DENND1A: variants seen among roughly 807,000 people sequenced by gnomAD.
DENND1A encodes the protein DENN domain-containing protein 1A.
In DENND1A, 51 loss-of-function variants were observed where a neutral mutation model predicts 113.7. That is an observed-to-expected ratio of 0.45 (90% CI 0.36 to 0.57). The LOEUF (loss-of-function observed/expected upper bound fraction) is 0.57, where lower values mean the gene tolerates loss of function less well. Ranked by LOEUF, DENND1A falls within the 20% of genes least tolerant of loss-of-function variation. The pLI, the probability that DENND1A is intolerant of heterozygous loss-of-function variation, is 0.00. For missense variants in DENND1A, 1,258 were observed against 1,395.9 expected, an observed-to-expected ratio of 0.90 and a Z score of 1.57; for synonymous variants, 565 against 570.8, an observed-to-expected ratio of 0.99 and a Z score of 0.14.
chr9:123,412,633 T>C (rs570027873), intron 19 of DENND1A, among the ~76,000 whole-genome samples: 55 of 152,362 alleles, frequency 3.6e-4, no homozygotes, highest in Admixed American at 1.8e-3. Flanking sequence ...CACAGACTTC[T>C]CAGCTCTCCC....
chr9:123,650,048 G>C (rs1177929419), intron 9 of DENND1A, among the ~76,000 whole-genome samples: 1 of 152,168 alleles, frequency 6.6e-6, no homozygotes, highest in Non-Finnish European at 1.5e-5. Flanking sequence ...TCATGTTTTT[G>C]TTGACTGAAA....
chr9:123,627,957 A>G (rs558401845), intron 10 of DENND1A, among the ~76,000 whole-genome samples: 1 of 152,014 alleles, frequency 6.6e-6, no homozygotes, highest in Non-Finnish European at 1.5e-5. Context: ...TTCATCCTAG[A>G]AACAGTTTAA....
At chr9:123,559,734 G>A (rs1379832680) in intron 12 of DENND1A, among the ~76,000 whole-genome samples, 2 of 152,114 alleles carry the variant, frequency 1.3e-5, no homozygotes, top group Non-Finnish European at 1.5e-5. Flanking sequence ...GTGGTTTTTA[G>A]TGTAGTCACA....
chr9:123,914,974 A>T (rs10818891), intron 1 of DENND1A, among the ~76,000 whole-genome samples: 11,786 of 152,034 alleles, frequency 0.078, 781 homozygotes, highest in African/African-American at 0.18. Flanking sequence ...GCTGATTATA[A>T]CATCATCAGT....
rs1352376947 is a variant in DENND1A at position 123,466,582 on chromosome 9, C to CCA, written c.994-8687_994-8686dup. Among the ~76,000 whole-genome samples the CCA allele has an allele frequency of 3.9e-5, 6 of 152,360 alleles. No individual in the cohort carries two copies. The East Asian group carries it at 1.2e-3, about 29-fold the overall frequency. Reference sequence around the variant, plus strand: ...AAAGTGCTGGGATGACAGGCGTGAGCCACTGCACCTGGCCTATTTCACTTC... The same window carrying CCA: ...AAAGTGCTGGGATGACAGGCGTGAGCCACACTGCACCTGGCCTATTTCACTTC... On this transcript the variant is annotated intron_variant, in intron 13 of 23. Transcript: ENST00000394215.
At chr9:123,520,787 C>T (rs1028176020) in intron 13 of DENND1A, among the ~76,000 whole-genome samples, 1 of 152,220 alleles carries the variant, frequency 6.6e-6, no homozygotes, top group African/African-American at 2.4e-5. Context: ...CTTCCTGGTA[C>T]CTGACTCTGT....
At position 123,381,070 on chromosome 9, in the gene DENND1A, G is replaced by A. The variant is rs532415270; in HGVS notation, c.*362C>T. The A allele has an allele frequency of 3.3e-5, 8 of 244,376 alleles. No individual in the cohort carries two copies. Among genetic ancestry groups the A allele is most frequent in the Non-Finnish European group, 6.4e-5 (8 of 125,718 alleles). 15.1% of individuals were successfully genotyped at this position (244,376 alleles called of 1,614,324 possible). A position where few individuals can be genotyped will look rare whatever the true frequency, so the allele number is the denominator to read the frequency against. On this transcript the variant is annotated 3_prime_UTR_variant, in exon 24 of 24. Transcript: ENST00000394215. The surrounding 1 kb of genome is among the most constrained non-coding windows in gnomAD (Gnocchi z 4.7). ...ACAGGAGAGCTGGGCTCGGAGGGGA[G>A]GCCTTCGGAGCCTCTTGGGACACTT...
chr9:123,436,779 G>A (rs377201097), intron 19 of DENND1A, among the ~76,000 whole-genome samples: 2 of 150,522 alleles, frequency 1.3e-5, no homozygotes, highest in African/African-American at 2.4e-5. Flanking sequence ...ACAGGGTCTC[G>A]CTCTGTCACT....
At chr9:123,558,020 C>T (rs897877400) in intron 12 of DENND1A, among the ~76,000 whole-genome samples, 1 of 152,140 alleles carries the variant, frequency 6.6e-6, no homozygotes, top group East Asian at 1.9e-4. Flanking sequence ...AGAATTAGGG[C>T]ATGTTTTTGA....
At chr9:123,718,247 G>A (rs1240693876) in intron 5 of DENND1A, among the ~76,000 whole-genome samples, 8 of 152,220 alleles carry the variant, frequency 5.3e-5, no homozygotes, top group Admixed American at 3.9e-4. Flanking sequence ...ATGCATTAGT[G>A]TTAAGGTGGG....
chr9:123,645,268 T>A (rs1038950152), intron 9 of DENND1A, among the ~76,000 whole-genome samples: 1 of 152,188 alleles, frequency 6.6e-6, no homozygotes, highest in Non-Finnish European at 1.5e-5. Context: ...TTATCTTTCA[T>A]GTGCTTGGTG....
intron 2 of DENND1A, among the ~76,000 whole-genome samples, chr9:123,872,291 T>C (rs566567150): frequency 6.6e-6 from 1 of 152,224 alleles, no homozygotes; most frequent in Non-Finnish European, 1.5e-5. Flanking sequence ...TACACAAAGA[T>C]GTTCACTACA....
intron 1 of DENND1A, among the ~76,000 whole-genome samples, chr9:123,925,794 G>A (rs1856992511): frequency 6.6e-6 from 1 of 152,218 alleles, no homozygotes; most frequent in Admixed American, 6.5e-5. Context: ...ACAGGCTAAT[G>A]TAGAATAATC....
intron 5 of DENND1A, among the ~76,000 whole-genome samples, chr9:123,698,075 A>G (rs916802455): frequency 3.3e-5 from 5 of 152,190 alleles, no homozygotes; most frequent in African/African-American, 1.2e-4. Context: ...TATCATACAG[A>G]ATAAGCAGAA....
At chr9:123,576,593 G>A (rs554059921) in intron 12 of DENND1A, among the ~76,000 whole-genome samples, 2 of 152,026 alleles carry the variant, frequency 1.3e-5, no homozygotes. Flanking sequence ...CTGCCTCCTG[G>A]GTTCAAGCGA....
At chr9:123,429,423 G>A (rs560553725) in intron 19 of DENND1A, among the ~76,000 whole-genome samples, 1 of 152,204 alleles carries the variant, frequency 6.6e-6, no homozygotes, top group East Asian at 1.9e-4. Flanking sequence ...TGAGTATGGT[G>A]GCACACACCT....
chr9:123,573,803 T>C (rs575166367), intron 12 of DENND1A, among the ~76,000 whole-genome samples: 3 of 152,200 alleles, frequency 2.0e-5, no homozygotes, highest in South Asian at 2.1e-4. Flanking sequence ...CAGTACAATG[T>C]TGAATAGAAA....
chr9:123,454,849 CTTTTTT>C, intron 15 of DENND1A, 70 bp from the exon 16 acceptor site: 2 of 1,019,642 alleles, frequency 2.0e-6, no homozygotes, highest in Non-Finnish European at 1.4e-6. Flanking sequence ...CTTAAAATTG[CTTTTTT>C]TTTTTTTTTT....
chr9:123,665,236 T>G (rs1263240302), intron 8 of DENND1A, among the ~76,000 whole-genome samples: 2 of 152,186 alleles, frequency 1.3e-5, no homozygotes, highest in Non-Finnish European at 2.9e-5. Context: ...ATTGAATATG[T>G]GACTTAAATT....
Sources: gnomAD v4.1 joint callset for allele counts (sites outside exome capture counted in the v4.1 genomes callset) on GRCh38, gnomAD v4.1.1 for gene constraint, Gnocchi (gnomAD v3.1) non-coding constraint, MANE v1.5 for transcripts, NCBI Gene and HGNC (gene_info 2026-07-23, HGNC 2026-07-21) for gene names.